CHODL: variants seen among roughly 807,000 people sequenced by gnomAD.
CHODL encodes transmembrane protein MT75.
In CHODL, 29 loss-of-function variants were observed where a neutral mutation model predicts 34.5. That is an observed-to-expected ratio of 0.84 (90% CI 0.63 to 1.15). CHODL has a LOEUF of 1.15. Ranked by LOEUF, CHODL falls within the 50% of genes most tolerant of loss-of-function variation. The pLI is 0.00. For synonymous variants in CHODL, 125 were observed against 116.1 expected, an observed-to-expected ratio of 1.08 and a Z score of -0.49; for missense variants, 332 against 332.5, an observed-to-expected ratio of 1.00 and a Z score of 0.01.
At chr21:18,210,034 C>G (rs1474678648) in intron 2 of CHODL, among the ~76,000 whole-genome samples, 1 of 152,160 alleles carries the variant, frequency 6.6e-6, no homozygotes, top group Non-Finnish European at 1.5e-5. Context: ...TCCACTGGCT[C>G]TGAGCCCCGC....
chr21:18,069,664 C>T (rs2064772481), intron 2 of CHODL, among the ~76,000 whole-genome samples: 1 of 152,046 alleles, frequency 6.6e-6, no homozygotes, highest in African/African-American at 2.4e-5. Context: ...ATAAAGTTGA[C>T]TTAGTACATT....
intron 1 of CHODL, among the ~76,000 whole-genome samples, chr21:17,978,351 G>T (rs2063684234): frequency 6.6e-6 from 1 of 151,432 alleles, no homozygotes; most frequent in African/African-American, 2.4e-5. Flanking sequence ...GAACCTGGCA[G>T]GCGGAGCTTG....
chr21:18,211,950 A>G (rs1263586881), intron 2 of CHODL, among the ~76,000 whole-genome samples: 2 of 152,214 alleles, frequency 1.3e-5, no homozygotes, highest in Non-Finnish European at 2.9e-5. Context: ...AGTGAAATTT[A>G]AAGAACTTAG....
intron 2 of CHODL, among the ~76,000 whole-genome samples, chr21:18,210,136 G>A (rs2073757385): frequency 6.6e-6 from 1 of 152,126 alleles, no homozygotes; most frequent in South Asian, 2.1e-4. Flanking sequence ...ATCCCAGGAT[G>A]GTGAAGCTTG....
chr21:18,133,808 CA>C (rs1485771660), intron 2 of CHODL, among the ~76,000 whole-genome samples: 1 of 152,154 alleles, frequency 6.6e-6, no homozygotes, highest in African/African-American at 2.4e-5. Flanking sequence ...ATGAAGCTCA[CA>C]CTCATACTGC....
intron 1 of CHODL, among the ~76,000 whole-genome samples, chr21:18,007,409 A>G (rs575564464): frequency 5.3e-4 from 80 of 152,166 alleles, no homozygotes; most frequent in Admixed American, 1.4e-3. Context: ...AGACAGAGGA[A>G]TAAGTACTTG....
chr21:17,933,278 G>A lies in CHODL; in HGVS notation c.-145+15878G>A, dbSNP rs187169902. On this transcript the variant is annotated intron_variant, in intron 1 of 6. Coordinates refer to the CHODL transcript ENST00000400127. ...TCAGCACAGACCATTTATGGGTGTC[G>A]GGCTGGGGGACGGTCAGGTCTTTCC... Among the ~76,000 whole-genome samples, 423 of 152,242 alleles carry A rather than the reference G, an allele frequency of 2.8e-3. 3 individuals carry two copies. The highest frequency in any genetic ancestry group is 9.4e-3 in the African/African-American group (390 of 41,536).
intron 2 of CHODL, among the ~76,000 whole-genome samples, chr21:18,197,332 T>C (rs1214017552): frequency 6.6e-6 from 1 of 152,214 alleles, no homozygotes; most frequent in Non-Finnish European, 1.5e-5. Flanking sequence ...TTATCGTGGC[T>C]GAGCGCAGTG....
chr21:18,010,069 A>G (rs942291492), intron 1 of CHODL, among the ~76,000 whole-genome samples: 12 of 138,412 alleles, frequency 8.7e-5, no homozygotes, highest in South Asian at 2.3e-4. Context: ...AACTGGTTCA[A>G]TCGAGACCAT....
At chr21:18,163,568 C>T (rs1425856960) in intron 2 of CHODL, among the ~76,000 whole-genome samples, 1 of 152,088 alleles carries the variant, frequency 6.6e-6, no homozygotes, top group Non-Finnish European at 1.5e-5. Context: ...TAAATGGGTA[C>T]TGGGTTATTA....
At chr21:18,218,812 A>C (rs1409587010) in intron 2 of CHODL, among the ~76,000 whole-genome samples, 1 of 152,138 alleles carries the variant, frequency 6.6e-6, no homozygotes, top group Non-Finnish European at 1.5e-5. Context: ...TAGCAAGAGC[A>C]ACCTTTACTT....
intron 2 of CHODL, among the ~76,000 whole-genome samples, chr21:18,195,545 T>C (rs2073577045): frequency 6.6e-6 from 1 of 152,184 alleles, no homozygotes; most frequent in African/African-American, 2.4e-5. Flanking sequence ...TCACATGTAA[T>C]TGGGATCATG....
chr21:18,147,973 G>A (rs2824656), intron 2 of CHODL, among the ~76,000 whole-genome samples: 36,779 of 152,048 alleles, frequency 0.24, 6,622 homozygotes, highest in African/African-American at 0.5. Flanking sequence ...ATTTCAGGCT[G>A]TTAAAACATA....
At chr21:18,016,672 C>T (rs534499127) in intron 1 of CHODL, among the ~76,000 whole-genome samples, 1 of 152,312 alleles carries the variant, frequency 6.6e-6, no homozygotes, top group Admixed American at 6.5e-5. Flanking sequence ...GAAAAGAGGG[C>T]CACCATTCTT....
intron 2 of CHODL, among the ~76,000 whole-genome samples, chr21:18,057,641 T>C (rs903014062): frequency 6.6e-6 from 1 of 152,030 alleles, no homozygotes; most frequent in Non-Finnish European, 1.5e-5. Flanking sequence ...AAAAACCCCC[T>C]GTGCCCTGCC....
chr21:18,012,584 C>T (rs2824604), intron 1 of CHODL, among the ~76,000 whole-genome samples: 44,036 of 151,994 alleles, frequency 0.29, 6,724 homozygotes, highest in South Asian at 0.42. Flanking sequence ...TGATTAAGTT[C>T]GGGTTTATTA....
intron 2 of CHODL, among the ~76,000 whole-genome samples, chr21:18,198,563 T>A (rs1371422323): frequency 6.6e-6 from 1 of 152,162 alleles, no homozygotes; most frequent in Non-Finnish European, 1.5e-5. Context: ...CAAAACAAAA[T>A]ATAATCTCCA....
intron 2 of CHODL, among the ~76,000 whole-genome samples, chr21:18,066,774 G>T (rs1401261802): frequency 6.6e-6 from 1 of 152,118 alleles, no homozygotes; most frequent in Non-Finnish European, 1.5e-5. Flanking sequence ...AGGCTTTTAT[G>T]GTGGGACCTA....
At chr21:18,018,928 A>G (rs1272600648) in intron 1 of CHODL, among the ~76,000 whole-genome samples, 3 of 152,202 alleles carry the variant, frequency 2.0e-5, no homozygotes, top group Non-Finnish European at 2.9e-5. Context: ...TGGTTGATCT[A>G]TTATTGCAAC....
Sources: gnomAD v4.1 joint callset for allele counts (sites outside exome capture counted in the v4.1 genomes callset) on GRCh38, gnomAD v4.1.1 for gene constraint, MANE v1.5 for transcripts, NCBI Gene and HGNC (gene_info 2026-07-23, HGNC 2026-07-21) for gene names.